MYH7B: variants seen among roughly 807,000 people sequenced by gnomAD.
The protein encoded by MYH7B is myosin-7B.
Under a neutral mutation model 234.5 loss-of-function variants are expected in MYH7B, and 205 were observed. The ratio of observed to expected loss-of-function variants is 0.87; its 90% CI spans 0.78 to 0.98. The LOEUF (loss-of-function observed/expected upper bound fraction) is 0.98, where lower values mean the gene tolerates loss of function less well. MYH7B is among the 50% of genes least tolerant of loss of function. The pLI is 0.00. For missense variants in MYH7B, 2,652 were observed against 2,633.4 expected (o/e 1.01, Z -0.15); for synonymous variants, 1,193 against 1,105.0 (o/e 1.08, Z -1.58).
exon 20 of MYH7B, chr20:34,989,786 A>G: frequency 6.2e-7 from 1 of 1,614,156 alleles, no homozygotes; most frequent in East Asian, 2.2e-5. Context: ...ATGTTCCCCA[A>G]GGCCTCAGAC....
chr20:34,964,835 T>A (rs1173312943), intron 2 of MYH7B, among the ~76,000 whole-genome samples: 1 of 152,222 alleles, frequency 6.6e-6, no homozygotes, highest in East Asian at 1.9e-4. Flanking sequence ...CCCTTAGGAA[T>A]GACCCTTTTT....
intron 37 of MYH7B, 35 bp from the exon 38 acceptor site, chr20:34,999,756 C>G (rs199657404): frequency 9.2e-5 from 121 of 1,310,064 alleles, no homozygotes; most frequent in Middle Eastern, 1.9e-4. Flanking sequence ...GCCATCCCCC[C>G]CCCCCACCCT....
At chr20:35,002,229 T>C (rs1359523589) in exon 45 of MYH7B, 2 of 1,502,976 alleles carry the variant, frequency 1.3e-6, no homozygotes, top group African/African-American at 2.8e-5. Flanking sequence ...TGTCTGCTGT[T>C]GCACATCTGG....
Position 35,001,346 on chromosome 20 carries a change from C to G in MYH7B, c.5577C>G (p.Tyr1859Ter), listed in dbSNP as rs1406300145. ...AGCGCCGTGTCAAGGAGCTCGCATACCAGGTGGGCGACAGGGTCTCCCTGG... is the reference window on the plus strand; with the variant it reads ...AGCGCCGTGTCAAGGAGCTCGCATAGCAGGTGGGCGACAGGGTCTCCCTGG... Residue 1859 changes from tyrosine (Y) to a stop codon, truncating the protein, a stop_gained, in exon 42 of 45, where the codon TAC becomes TAG. Transcript: ENST00000262873. LOFTEE classifies it high-confidence loss of function. 1.2e-6 allele frequency: 2 copies of G among 1,607,204 alleles called. No homozygotes were observed. The highest frequency in any genetic ancestry group is 1.7e-6 in the Non-Finnish European group (2 of 1,177,210).
At chr20:34,998,320 C>G in exon 33 of MYH7B, 1 of 1,613,986 alleles carries the variant, frequency 6.2e-7, no homozygotes, top group Non-Finnish European at 8.5e-7. Flanking sequence ...CTGTGCCGGA[C>G]CTATGAGGAT....
At chr20:34,999,857 G>C in exon 38 of MYH7B, 1 of 1,595,056 alleles carries the variant, frequency 6.3e-7, no homozygotes, top group Non-Finnish European at 8.5e-7. Flanking sequence ...GGTCAAAGCA[G>C]AAGTGGACCG....
chr20:34,990,098 A>C, exon 21 of MYH7B: 1 of 1,614,130 alleles, frequency 6.2e-7, no homozygotes, highest in Non-Finnish European at 8.5e-7. Flanking sequence ...GAAGTCACAG[A>C]ATAGGCTCCT....
chr20:34,993,611 TC>T lies in MYH7B; in HGVS notation c.2444+146del, dbSNP rs1322475594. 11 of 962,162 alleles carry T rather than the reference TC, an allele frequency of 1.1e-5. No individual in the cohort carries two copies. The East Asian group carries it at 3.0e-4, about 27-fold the overall frequency. 59.6% of individuals were successfully genotyped at this position (962,162 alleles called of 1,614,324 possible). A position where few individuals can be genotyped will look rare whatever the true frequency, so the allele number is the denominator to read the frequency against. ...GGTTGGGGCAAGGTTCTGTTCTGTG[TC>T]CCCCAGCCTCCATTTCCCCACCTCA... On this transcript the variant is annotated intron_variant, in intron 26 of 44. Transcript: ENST00000262873.
intron 9 of MYH7B, chr20:34,981,614 G>A (rs6141523): frequency 0.39 from 58,947 of 152,644 alleles, 12,708 homozygotes; most frequent in East Asian, 0.58. Context: ...ACTTTGGGAG[G>A]CTGAGGTGGG....
At chr20:34,972,132 A>G (rs2081799250) in intron 2 of MYH7B, among the ~76,000 whole-genome samples, 1 of 152,126 alleles carries the variant, frequency 6.6e-6, no homozygotes, top group African/African-American at 2.4e-5. Flanking sequence ...GTCACTATGA[A>G]ACTTCAGCTC....
chr20:35,000,184 G>C (rs1347327532), intron 38 of MYH7B, 109 bp from the exon 39 acceptor site: 1 of 1,311,590 alleles, frequency 7.6e-7, no homozygotes, highest in Non-Finnish European at 1.0e-6. Flanking sequence ...AATCGGGGAG[G>C]GGTGACTCAT....
chr20:34,979,610 G>T, intron 6 of MYH7B, 51 bp from the exon 7 acceptor site: 3 of 1,611,580 alleles, frequency 1.9e-6, no homozygotes, highest in Non-Finnish European at 1.7e-6. Flanking sequence ...GACAGGTGAG[G>T]TCGGTCGGTT....
At chr20:34,994,316 C>A (rs369138767) in exon 27 of MYH7B, 1 of 1,609,864 alleles carries the variant, frequency 6.2e-7, no homozygotes, top group Non-Finnish European at 8.5e-7. Context: ...GCGCTGGCTG[C>A]GGCCGAGGCC....
chr20:34,993,493 G>C, intron 26 of MYH7B, 23 bp downstream of exon 26: 1 of 1,559,276 alleles, frequency 6.4e-7, no homozygotes, highest in Non-Finnish European at 8.6e-7. Context: ...AGGAGGCTGG[G>C]GACAGGGTGT....
Position 34,984,840 on chromosome 20 carries a change from C to G in MYH7B, c.649-14C>G, listed in dbSNP as rs376178898. On this transcript the variant is annotated splice_polypyrimidine_tract_variant and intron_variant, in intron 11 of 44. Coordinates refer to ENST00000262873, the Ensembl canonical transcript of MYH7B. ...CACCAGAACTGACAGACCCCCTCACCCCCACCGCCCCAGGGCACCCTTGAG... is the reference window on the plus strand; with the variant it reads ...CACCAGAACTGACAGACCCCCTCACGCCCACCGCCCCAGGGCACCCTTGAG... The G allele has an allele frequency of 9.3e-6, 15 of 1,611,350 alleles. No homozygotes were observed. The South Asian group carries it at 1.6e-4, about 18-fold the overall frequency.
At chr20:34,997,222 G>C in intron 31 of MYH7B, 29 bp from the exon 32 acceptor site, 2 of 1,555,240 alleles carry the variant, frequency 1.3e-6, no homozygotes, top group Non-Finnish European at 1.7e-6. Flanking sequence ...GCCCACAGAG[G>C]TGACAGCTGC....
chr20:34,992,201 C>T (rs951876462), intron 24 of MYH7B, among the ~76,000 whole-genome samples: 3 of 152,040 alleles, frequency 2.0e-5, no homozygotes, highest in Admixed American at 6.5e-5. Context: ...CTGGCTAACA[C>T]GGTGAAACCC....
intron 28 of MYH7B, 127 bp from the exon 29 acceptor site, chr20:34,996,219 G>A: frequency 3.6e-6 from 4 of 1,109,274 alleles, no homozygotes; most frequent in Non-Finnish European, 5.1e-6. Flanking sequence ...AGCGGTGGAG[G>A]CTCGGAGTCA....
chr20:34,985,109 C>T, exon 13 of MYH7B: 1 of 1,614,098 alleles, frequency 6.2e-7, no homozygotes, highest in Non-Finnish European at 8.5e-7. Flanking sequence ...GGGAAGCTGG[C>T]ATCCGCGGAT....
Sources: allele counts gnomAD v4.1 joint callset (sites outside exome capture counted in the v4.1 genomes callset), GRCh38; gene constraint gnomAD v4.1.1; transcripts MANE v1.5; gene names NCBI Gene and HGNC (gene_info 2026-07-23, HGNC 2026-07-21).